MS4A18: variants seen among roughly 807,000 people sequenced by gnomAD.
MS4A18 encodes the protein membrane-spanning 4-domains subfamily A member 18.
Under a neutral mutation model 13.1 loss-of-function variants are expected in MS4A18, and 27 were observed. That is an observed-to-expected ratio of 2.06 (90% confidence interval 1.52 to 2.84). MS4A18 has a LOEUF of 2.84. Among genes scored for constraint, MS4A18 ranks in the 30% most tolerant of loss-of-function variants. MS4A18 has a pLI of 0.00. For synonymous variants in MS4A18, 126 were observed against 76.5 expected, an observed-to-expected ratio of 1.65 and a Z score of -3.38; for missense variants, 307 against 196.4, an observed-to-expected ratio of 1.56 and a Z score of -3.37.
upstream of MS4A18, chr11:60,729,194 T>C (rs901075842): frequency 4.9e-6 from 3 of 617,764 alleles, no homozygotes; most frequent in African/African-American, 1.8e-5. Flanking sequence ...TCTGGTACCA[T>C]GCTAGGTGAT....
chr11:60,744,298 G>T (rs1853455314), downstream of MS4A18: 2 of 321,048 alleles, frequency 6.2e-6, no homozygotes, highest in Admixed American at 4.7e-5. Context: ...TGAAAAACCG[G>T]TTCTAAATCG....
chr11:60,735,679 T>C (rs1853328426), intron 2 of MS4A18, among the ~76,000 whole-genome samples: 1 of 143,106 alleles, frequency 7.0e-6, no homozygotes. Context: ...TTTTTTTTTT[T>C]TTTTGAGACG....
chr11:60,728,810 C>G (rs112438629), upstream of MS4A18, among the ~76,000 whole-genome samples: 1 of 152,154 alleles, frequency 6.6e-6, no homozygotes, highest in African/African-American at 2.4e-5. Context: ...GTTCTCTGCT[C>G]CCCCTGCACA....
intron 1 of MS4A18, among the ~76,000 whole-genome samples, chr11:60,730,001 G>A (rs915723977): frequency 6.5e-4 from 99 of 152,116 alleles, no homozygotes; most frequent in African/African-American, 2.1e-3. Context: ...TGGTTTGGGG[G>A]ATAAAGGTTT....
At chr11:60,735,537 G>T (rs1288638970) in intron 2 of MS4A18, among the ~76,000 whole-genome samples, 1 of 139,896 alleles carries the variant, frequency 7.1e-6, no homozygotes, top group Non-Finnish European at 1.5e-5. Context: ...TTTTAGTAGA[G>T]ACAGGGTTTC....
chr11:60,743,061 C>T (rs79555091), intron 5 of MS4A18, among the ~76,000 whole-genome samples: 1,802 of 152,336 alleles, frequency 0.012, 45 homozygotes, highest in African/African-American at 0.041. Flanking sequence ...GGCTTACTCA[C>T]AGCTTCTCCA....
chr11:60,727,433 C>T (rs959256623), upstream of MS4A18, among the ~76,000 whole-genome samples: 8 of 152,206 alleles, frequency 5.3e-5, no homozygotes, highest in Admixed American at 4.6e-4. Flanking sequence ...GCTGTCTGAG[C>T]TCTTAACCCT....
At chr11:60,728,864 C>T (rs1268507422), upstream of MS4A18, among the ~76,000 whole-genome samples, 1 of 152,162 alleles carries the variant, frequency 6.6e-6, no homozygotes, top group Non-Finnish European at 1.5e-5. Context: ...CCTCCCATCC[C>T]ACAGTAGTCC....
upstream of MS4A18, among the ~76,000 whole-genome samples, chr11:60,726,717 C>CTTTATTTTATTTTA (rs1554966195): frequency 1.6e-5 from 2 of 124,910 alleles, no homozygotes; most frequent in African/African-American, 6.2e-5. Context: ...TGGGGTAACA[C>CTTTATTTTATTTTA]TTTTATTTTA....
At chr11:60,735,227 C>A (rs2134677518) in intron 2 of MS4A18, among the ~76,000 whole-genome samples, 1 of 152,308 alleles carries the variant, frequency 6.6e-6, no homozygotes, top group East Asian at 1.9e-4. Flanking sequence ...GTGTCCACCA[C>A]CTAACTTAAA....
chr11:60,743,777 A>C (rs1169462229), exon 6 of MS4A18: 2 of 702,712 alleles, frequency 2.8e-6, no homozygotes, highest in African/African-American at 3.5e-5. Context: ...GGTCCTGTCA[A>C]TACTACCATT....
chr11:60,724,766 A>C (rs770415890), upstream of MS4A18, among the ~76,000 whole-genome samples: 2 of 152,238 alleles, frequency 1.3e-5, no homozygotes, highest in Non-Finnish European at 1.5e-5. Context: ...CTGAAGAAAG[A>C]GCATCCAAAG....
intron 2 of MS4A18, among the ~76,000 whole-genome samples, chr11:60,736,108 T>C (rs551423276): frequency 3.9e-5 from 6 of 152,130 alleles, no homozygotes; most frequent in Non-Finnish European, 8.8e-5. Context: ...GCCATTTTGT[T>C]TGGGAAGAAG....
In MS4A18 at chr11:60,734,954, T is replaced by C. The variant is rs1051773959; in HGVS notation, c.591+1307T>C. Among the ~76,000 whole-genome samples the C allele has an allele frequency of 2.6e-5, 4 of 151,870 alleles. No individual in the cohort carries two copies. In the South Asian group the frequency reaches 6.2e-4, roughly 24 times the overall value. The stretch of plus-strand genomic sequence containing the variant: ...GTGCCACCATGCCCGGCTAATTTTT[T>C]GTATTTTTAGTAGAGACGGGGTTTT... On this transcript the variant is annotated intron_variant, in intron 2 of 5. Coordinates refer to ENST00000529108, the Ensembl canonical transcript of MS4A18.
chr11:60,744,015 T>C, exon 6 of MS4A18: 1 of 692,348 alleles, frequency 1.4e-6, no homozygotes, highest in Non-Finnish European at 2.6e-6. Context: ...CAGAGATAGA[T>C]GACATGGGAT....
intron 5 of MS4A18, 116 bp downstream of exon 6, chr11:60,741,259 A>T (rs1853411210): frequency 1.5e-6 from 1 of 683,116 alleles, no homozygotes; most frequent in Admixed American, 2.0e-5. Context: ...TGTATCAGTT[A>T]AGTTTTGCTG....
chr11:60,743,774 T>C (rs1853443266), exon 6 of MS4A18: 1 of 702,362 alleles, frequency 1.4e-6, no homozygotes, highest in African/African-American at 1.8e-5. Flanking sequence ...AATGGTCCTG[T>C]CAATACTACC....
chr11:60,735,583 C>T (rs1410894844), intron 2 of MS4A18, among the ~76,000 whole-genome samples: 4 of 150,178 alleles, frequency 2.7e-5, no homozygotes, highest in Non-Finnish European at 5.9e-5. Flanking sequence ...GTGATCCACC[C>T]GCCTCGGCCT....
chr11:60,736,745 AG>A (rs1305337465), intron 2 of MS4A18, among the ~76,000 whole-genome samples: 1 of 152,340 alleles, frequency 6.6e-6, no homozygotes, highest in African/African-American at 2.4e-5. Context: ...TTTAGGGGAA[AG>A]GAAGGTGTTA....
Sources: allele counts gnomAD v4.1 joint callset (sites outside exome capture counted in the v4.1 genomes callset), GRCh38; gene constraint gnomAD v4.1.1; transcripts MANE v1.5; gene names NCBI Gene and HGNC (gene_info 2026-07-23, HGNC 2026-07-21).